Variants in LARGE1 observed in about 807,000 individuals in gnomAD.
The protein encoded by LARGE1 is LARGE xylosyl- and glucuronyltransferase 1.
Under a neutral mutation model 87.6 loss-of-function variants are expected in LARGE1, and 43 were observed. That is an observed-to-expected ratio of 0.49 (90% CI 0.38 to 0.63). LARGE1 has a LOEUF of 0.63. Ranked by LOEUF, LARGE1 falls within the 30% of genes least tolerant of loss-of-function variation. The pLI is 0.00. For missense variants in LARGE1, 802 were observed against 1,000.2 expected (o/e 0.80, Z 2.67); for synonymous variants, 434 against 394.6 (o/e 1.10, Z -1.18).
intron 4 of LARGE1, among the ~76,000 whole-genome samples, chr22:33,609,034 C>T (rs187564067): frequency 1.6e-4 from 25 of 152,204 alleles, no homozygotes; most frequent in Admixed American, 3.9e-4. Context: ...TTTTGCATCG[C>T]GTTTTTGATG....
the LARGE1 span, among the ~76,000 whole-genome samples, chr22:33,138,442 A>AT: frequency 2.5e-5 from 3 of 118,952 alleles, no homozygotes; most frequent in African/African-American, 8.6e-5. Flanking sequence ...GAGGACTTTT[A>AT]TTTTTTCATT....
At chr22:33,883,488 A>G (rs1325094389) in intron 1 of LARGE1, among the ~76,000 whole-genome samples, 2 of 152,184 alleles carry the variant, frequency 1.3e-5, no homozygotes, top group Admixed American at 6.5e-5. Flanking sequence ...CCTGGGGCCA[A>G]TGCACAACCA....
At chr22:33,177,100 T>G (rs918792858) in intron 11 of LARGE1, among the ~76,000 whole-genome samples, 4 of 152,090 alleles carry the variant, frequency 2.6e-5, no homozygotes, top group Admixed American at 2.6e-4. Flanking sequence ...AAGTGGGAGT[T>G]GAACAATGAG....
chr22:33,163,138 T>G (rs1020274705), exon 12 of LARGE1: 3 of 152,232 alleles, frequency 2.0e-5, no homozygotes, highest in African/African-American at 7.2e-5. Context: ...CTGTACTAGA[T>G]GCATCATATA....
In LARGE1 at chr22:33,843,563, C is replaced by A. The variant is rs191221165; in HGVS notation, c.-83+76432G>T. Among the ~76,000 whole-genome samples, 439 of 152,094 alleles carry A rather than the reference C, an allele frequency of 2.9e-3. 2 individuals carry two copies. The highest frequency in any genetic ancestry group is 0.01 in the African/African-American group (417 of 41,484). On this transcript the variant is annotated intron_variant, in intron 1 of 14. Coordinates refer to ENST00000397394, the MANE Select transcript of LARGE1 (RefSeq NM_133642.5). ...AAATGCATATGGGGGTTTATTCAAA[C>A]CGCACTCAAACCCTCTAGCAGTCCC... is the stretch of plus-strand genomic sequence containing the variant.
chr22:33,122,943 C>T, the LARGE1 span, among the ~76,000 whole-genome samples: 3 of 152,092 alleles, frequency 2.0e-5, no homozygotes, highest in African/African-American at 7.2e-5. Flanking sequence ...GGGCTTGCTT[C>T]CTTGGGCAGC....
intron 1 of LARGE1, among the ~76,000 whole-genome samples, chr22:33,841,076 A>T (rs945078266): frequency 2.0e-5 from 3 of 152,224 alleles, no homozygotes; most frequent in Admixed American, 6.5e-5. Flanking sequence ...AGGCCAATGA[A>T]AGTGAGCATG....
At chr22:33,292,123 C>A (rs1302482336) in intron 12 of LARGE1, among the ~76,000 whole-genome samples, 1 of 151,910 alleles carries the variant, frequency 6.6e-6, no homozygotes, top group Non-Finnish European at 1.5e-5. Flanking sequence ...ACAAACAAAA[C>A]CCACAAAGAA....
Position 33,633,840 on chromosome 22 carries a change from G to GA in LARGE1, c.409-7515dup, listed in dbSNP as rs1424460885. ...GATGCTCTGACAGCTGCGGAGAAGC[G>GA]AACAGCCGGGGTCAGACAGGCAGCA... On this transcript the variant is annotated intron_variant, in intron 3 of 14. Coordinates refer to ENST00000397394, the MANE Select transcript of LARGE1 (RefSeq NM_133642.5). 2.0e-5 allele frequency among the ~76,000 whole-genome samples: 3 copies of GA among 152,302 alleles called. No homozygotes were observed. The East Asian group carries it at 5.8e-4, about 29-fold the overall frequency.
At chr22:33,269,780 C>A (rs529735569), downstream of LARGE1, among the ~76,000 whole-genome samples, 3 of 151,922 alleles carry the variant, frequency 2.0e-5, no homozygotes, top group Non-Finnish European at 2.9e-5. Flanking sequence ...CCGAGGTGGG[C>A]GGATCATGAG....
At chr22:33,772,491 C>T (rs4821182) in intron 1 of LARGE1, among the ~76,000 whole-genome samples, 64,980 of 151,744 alleles carry the variant, frequency 0.43, 14,126 homozygotes, top group Admixed American at 0.53. Flanking sequence ...ACTTCTGGAA[C>T]ATGCCTCAGG....
intron 11 of LARGE1, among the ~76,000 whole-genome samples, chr22:33,197,659 A>G (rs1300288070): frequency 6.6e-6 from 1 of 152,138 alleles, no homozygotes; most frequent in Non-Finnish European, 1.5e-5. Context: ...ATGAAGATAC[A>G]TACAATATTT....
At chr22:33,776,113 G>A (rs748097115) in intron 1 of LARGE1, among the ~76,000 whole-genome samples, 1 of 152,194 alleles carries the variant, frequency 6.6e-6, no homozygotes, top group Non-Finnish European at 1.5e-5. Context: ...CAAATTCACT[G>A]TGGTCATCTT....
At position 33,886,658 on chromosome 22, in the gene LARGE1, AAAAAAAAAAAAAAAAAG is replaced by A. The variant is rs1258872857; in HGVS notation, c.-83+33320_-83+33336del. Among the ~76,000 whole-genome samples, 10 of 123,394 alleles carry A rather than the reference AAAAAAAAAAAAAAAAAG, an allele frequency of 8.1e-5. 1 individual carries two copies. Among genetic ancestry groups the A allele is most frequent in the South Asian group, 5.5e-4 (2 of 3,640 alleles). 81.0% of individuals were successfully genotyped at this position (123,394 alleles called of 152,430 possible). On this transcript the variant is annotated intron_variant, in intron 1 of 14. Coordinates refer to ENST00000397394, the MANE Select transcript of LARGE1 (RefSeq NM_133642.5). Reference sequence around the variant, plus strand: ...TGGACAACAGAGTGAGATTCTGCCAAAAAAAAAAAAAAAAAAGAAAAAAAAAGGAAGGGAGGGAGGGA... The same window carrying A: ...TGGACAACAGAGTGAGATTCTGCCAAAAAAAAAAAGGAAGGGAGGGAGGGA...
intron 11 of LARGE1, among the ~76,000 whole-genome samples, chr22:33,256,432 C>T (rs918753570): frequency 3.3e-5 from 5 of 152,220 alleles, no homozygotes; most frequent in Non-Finnish European, 5.9e-5. Flanking sequence ...TCACTGTAAT[C>T]CTGGGCAAGC....
intron 9 of LARGE1, among the ~76,000 whole-genome samples, chr22:33,353,051 C>T (rs1029244149): frequency 3.5e-4 from 53 of 152,142 alleles, no homozygotes; most frequent in African/African-American, 1.2e-3. Flanking sequence ...TTGGATCTGA[C>T]AAGAAACTGG....
chr22:33,315,399 T>C (rs1463273054), intron 11 of LARGE1, among the ~76,000 whole-genome samples: 1 of 152,188 alleles, frequency 6.6e-6, no homozygotes, highest in African/African-American at 2.4e-5. Context: ...GCTTGATGGA[T>C]GTTTGCTTCA....
chr22:33,409,144 G>A (rs1317916665), intron 7 of LARGE1, among the ~76,000 whole-genome samples: 1 of 152,198 alleles, frequency 6.6e-6, no homozygotes, highest in East Asian at 1.9e-4. Flanking sequence ...GGCCCTGTGT[G>A]CCATTCTGAT....
At chr22:33,583,293 G>A (rs1471675633) in intron 5 of LARGE1, among the ~76,000 whole-genome samples, 1 of 152,174 alleles carries the variant, frequency 6.6e-6, no homozygotes. Flanking sequence ...ACCTCCACAG[G>A]ATGAAGGCAG....
Sources: gnomAD v4.1 joint callset for allele counts (sites outside exome capture counted in the v4.1 genomes callset) on GRCh38, gnomAD v4.1.1 for gene constraint, MANE v1.5 for transcripts, NCBI Gene and HGNC (gene_info 2026-07-23, HGNC 2026-07-21) for gene names.